CNGB1: variants seen among roughly 807,000 people sequenced by gnomAD.
CNGB1 encodes cyclic nucleotide gated channel subunit beta 1, also known as cyclic nucleotide-gated channel beta-1.
A neutral mutation model predicts 151.7 loss-of-function variants in CNGB1; 126 were observed. The observed-to-expected ratio is 0.83, with a 90% confidence interval of 0.72 to 0.96. The LOEUF (loss-of-function observed/expected upper bound fraction) is 0.96. Ranked by LOEUF, CNGB1 falls within the 40% of genes least tolerant of loss-of-function variation. The pLI, the probability that CNGB1 is intolerant of heterozygous loss-of-function variation, is 0.00. For missense variants in CNGB1, 1,698 were observed against 1,627.0 expected (o/e 1.04, Z -0.75); for synonymous variants, 623 against 635.1 (o/e 0.98, Z 0.29).
At chr16:57,893,864 G>GGAGACAACTGAGACCAGAAAAGT (rs1271921822) in intron 31 of CNGB1, among the ~76,000 whole-genome samples, 1 of 152,078 alleles carries the variant, frequency 6.6e-6, no homozygotes, top group African/African-American at 2.4e-5. Context: ...ATTTTACATA[G>GGAGACAACTGAGACCAGAAAAGT]GAGACAACTG....
chr16:57,929,776 C>T (rs1677529387), intron 17 of CNGB1, among the ~76,000 whole-genome samples: 1 of 152,190 alleles, frequency 6.6e-6, no homozygotes, highest in African/African-American at 2.4e-5. Context: ...GATCCATTCA[C>T]CTCCCACCAG....
intron 16 of CNGB1, among the ~76,000 whole-genome samples, chr16:57,934,614 G>A (rs1238233857): frequency 6.6e-6 from 1 of 152,100 alleles, no homozygotes; most frequent in African/African-American, 2.4e-5. Flanking sequence ...GGGAGGACAC[G>A]AGATGATCTC....
At chr16:57,932,040 C>A (rs1281820059) in intron 16 of CNGB1, among the ~76,000 whole-genome samples, 162 bp from the exon 17 acceptor site, 1 of 152,148 alleles carries the variant, frequency 6.6e-6, no homozygotes, top group Admixed American at 6.5e-5. Flanking sequence ...GCAGGGGGTA[C>A]AGGAACGTGG....
chr16:57,937,694 C>T (rs1374481581), intron 16 of CNGB1, among the ~76,000 whole-genome samples: 2 of 152,218 alleles, frequency 1.3e-5, no homozygotes, highest in African/African-American at 2.4e-5. Flanking sequence ...CTCGAACATT[C>T]TTAGCCTGGT....
At chr16:57,904,153 A>G (rs558102136) in intron 26 of CNGB1, among the ~76,000 whole-genome samples, 172 bp from the exon 27 acceptor site, 29 of 152,108 alleles carry the variant, frequency 1.9e-4, no homozygotes, top group African/African-American at 6.0e-4. Context: ...TACTGACGGG[A>G]AGTTCTGCCT....
At position 57,919,072 on chromosome 16, in the gene CNGB1, T is replaced by G. The variant is rs767624605; in HGVS notation, c.1957+27A>C. On this transcript the variant is annotated intron_variant, in intron 20 of 32. Coordinates refer to ENST00000251102, the MANE Select transcript of CNGB1 (RefSeq NM_001297.5). ...TCTCCTGCTCTCTCATCTTACACAG[T>G]GGGAACACCCATTCCCCAGGACTCA... 3 of 1,614,018 alleles carry G rather than the reference T, an allele frequency of 1.9e-6. No individual in the cohort carries two copies. The African/African-American group carries it at 4.0e-5, about 22-fold the overall frequency.
At chr16:57,953,347 T>C (rs1381444661) in intron 12 of CNGB1, among the ~76,000 whole-genome samples, 2 of 151,680 alleles carry the variant, frequency 1.3e-5, no homozygotes, top group Non-Finnish European at 2.9e-5. Context: ...ATACAAAAAT[T>C]AGCTGGGCGT....
rs1450735358 is a variant in CNGB1 at position 57,883,961 on chromosome 16, G to A, written c.*203C>T. Reference sequence around the variant, plus strand: ...ACTCGAACACTTGATGCAACTTGTCGAGCTCAGGCCCAGCCCCGCGAGGAG... The same window carrying A: ...ACTCGAACACTTGATGCAACTTGTCAAGCTCAGGCCCAGCCCCGCGAGGAG... On this transcript the variant is annotated 3_prime_UTR_variant, in exon 33 of 33. Coordinates refer to ENST00000251102, the MANE Select transcript of CNGB1 (RefSeq NM_001297.5). 10 of 648,616 alleles carry A rather than the reference G, an allele frequency of 1.5e-5. No individual in the cohort carries two copies. Among genetic ancestry groups the A allele is most frequent in the South Asian group, 1.5e-4 (8 of 53,046 alleles). 40.2% of individuals were successfully genotyped at this position (648,616 alleles called of 1,614,324 possible). A position where few individuals can be genotyped will look rare whatever the true frequency, so the allele number is the denominator to read the frequency against.
At chr16:57,904,989 T>C in intron 25 of CNGB1, 114 bp from the exon 26 acceptor site, 1 of 1,350,930 alleles carries the variant, frequency 7.4e-7, no homozygotes, top group Non-Finnish European at 1.1e-6. Flanking sequence ...ACAGAAACCC[T>C]TTACAGCTCA....
At chr16:57,939,694 G>A (rs1436514022) in intron 15 of CNGB1, 102 bp from the exon 16 acceptor site, 12 of 1,504,864 alleles carry the variant, frequency 8.0e-6, no homozygotes, top group African/African-American at 1.4e-5. Context: ...CATGGGCCCA[G>A]TTCTGCTTCT....
chr16:57,935,062 A>G (rs1961471305), intron 16 of CNGB1, among the ~76,000 whole-genome samples: 1 of 151,378 alleles, frequency 6.6e-6, no homozygotes, highest in South Asian at 2.1e-4. Context: ...AAAAAAAAAA[A>G]GTTACACCCT....
chr16:57,939,684 C>T, intron 15 of CNGB1, 92 bp from the exon 16 acceptor site: 1 of 1,549,978 alleles, frequency 6.5e-7, no homozygotes, highest in Non-Finnish European at 8.9e-7. Flanking sequence ...CAGAAGTCCA[C>T]ATGGGCCCAG....
chr16:57,888,031 C>G lies in CNGB1; in HGVS notation c.3286G>C (p.Val1096Leu), dbSNP rs376128303. The G allele has an allele frequency of 1.9e-6, 3 of 1,614,112 alleles. No homozygotes were observed. The highest frequency in any genetic ancestry group is 2.5e-6 in the Non-Finnish European group (3 of 1,179,970). The change falls in exon 32 of 33, where the codon GTG becomes CTG. Residue 1096 changes from valine (V) to leucine (L), a missense_variant. Transcript: ENST00000251102. ...CCCGCCCGGGGTGGAAGGATCAGCA[C>G]GCTCTTCTCCTCCTTGGGCTTATTG... is the stretch of plus-strand genomic sequence containing the variant. The part of the protein sequence containing the change: ...SNNKPKEEKS[V>L]LILPPRAGTP...
chr16:57,889,695 C>T (rs911716542), intron 31 of CNGB1, among the ~76,000 whole-genome samples: 2 of 152,172 alleles, frequency 1.3e-5, no homozygotes, highest in East Asian at 3.9e-4. Flanking sequence ...ATTATTCATC[C>T]TCATTTCCAA....
intron 20 of CNGB1, among the ~76,000 whole-genome samples, 175 bp from the exon 21 acceptor site, chr16:57,917,651 T>TACACACACAC (rs1238747509): frequency 4.9e-5 from 7 of 143,708 alleles, no homozygotes; most frequent in African/African-American, 1.9e-4. Context: ...CACACACACA[T>TACACACACAC]ACACACACAC....
chr16:57,897,391 A>G lies in CNGB1; in HGVS notation c.3242+6T>C. The G allele has an allele frequency of 6.2e-7, 1 of 1,614,154 alleles. No individual in the cohort carries two copies. Among genetic ancestry groups the G allele is most frequent in the Non-Finnish European group, 8.5e-7 (1 of 1,180,014 alleles). On this transcript the variant is annotated splice_donor_region_variant and intron_variant, in intron 31 of 32. Coordinates refer to ENST00000251102, the MANE Select transcript of CNGB1 (RefSeq NM_001297.5). ...TTTTTTATTAAACGAAAGAAAAGTTACATACCTGGCTTTCTTCCGGAGTAA... is the reference window on the plus strand; with the variant it reads ...TTTTTTATTAAACGAAAGAAAAGTTGCATACCTGGCTTTCTTCCGGAGTAA...
intron 29 of CNGB1, 41 bp from the exon 30 acceptor site, chr16:57,897,955 A>C: frequency 5.0e-6 from 8 of 1,588,124 alleles, no homozygotes; most frequent in South Asian, 2.2e-5. Context: ...TCATCCCCCA[A>C]AGTCACCAGA....
At chr16:57,944,041 C>T (rs1207117295) in intron 14 of CNGB1, among the ~76,000 whole-genome samples, 1 of 151,786 alleles carries the variant, frequency 6.6e-6, no homozygotes, top group African/African-American at 2.4e-5. Flanking sequence ...GCCCATGTTA[C>T]CACACCCGGC....
intron 24 of CNGB1, among the ~76,000 whole-genome samples, 170 bp downstream of exon 24, chr16:57,912,756 GGTGT>G (rs763741890): frequency 6.7e-6 from 1 of 150,200 alleles, no homozygotes; most frequent in African/African-American, 2.5e-5. Flanking sequence ...TTGTGTGTTG[GGTGT>G]GTGTATGTTG....
Sources: gnomAD v4.1 joint callset for allele counts (sites outside exome capture counted in the v4.1 genomes callset) on GRCh38, gnomAD v4.1.1 for gene constraint, MANE v1.5 for transcripts, NCBI Gene and HGNC (gene_info 2026-07-23, HGNC 2026-07-21) for gene names.